Variants in SCNN1B observed in about 807,000 individuals in gnomAD.
SCNN1B encodes the protein epithelial sodium channel subunit beta.
SCNN1B carries 46 observed loss-of-function variants against 65.3 expected under a neutral mutation model. The observed-to-expected ratio is 0.70, with a 90% confidence interval of 0.56 to 0.90. The LOEUF is 0.90. Ranked by LOEUF, SCNN1B falls within the 40% of genes least tolerant of loss-of-function variation. SCNN1B has a pLI of 0.00. For missense variants in SCNN1B, 751 were observed against 830.5 expected, an observed-to-expected ratio of 0.90 and a Z score of 1.18; for synonymous variants, 349 against 330.6, an observed-to-expected ratio of 1.06 and a Z score of -0.60.
At chr16:23,355,733 A>T (rs1232659837) in intron 4 of SCNN1B, among the ~76,000 whole-genome samples, 1 of 152,160 alleles carries the variant, frequency 6.6e-6, no homozygotes, top group Non-Finnish European at 1.5e-5. Context: ...GTCTGCAGGG[A>T]AAGTGGGATA....
chr16:23,318,772 C>T (rs758420482), intron 1 of SCNN1B, among the ~76,000 whole-genome samples: 47 of 152,318 alleles, frequency 3.1e-4, no homozygotes, highest in Non-Finnish European at 3.5e-4. Flanking sequence ...AACGAAATTG[C>T]CAGCCAGAAA....
upstream of SCNN1B, among the ~76,000 whole-genome samples, chr16:23,297,526 G>A (rs370711509): frequency 2.6e-5 from 4 of 152,056 alleles, no homozygotes; most frequent in Admixed American, 2.0e-4. Context: ...CAATGATATC[G>A]GGACCTAGTT....
At chr16:23,323,496 C>T (rs375642730) in intron 1 of SCNN1B, 1 of 702,294 alleles carries the variant, frequency 1.4e-6, no homozygotes, top group Non-Finnish European at 2.6e-6. Context: ...TTCATATTTA[C>T]AATTTAATCT....
Position 23,380,546 on chromosome 16 carries a change from G to A in SCNN1B, c.1668G>A (p.Val556=). The A allele has an allele frequency of 6.2e-7, 1 of 1,614,158 alleles. No individual in the cohort carries two copies. Among genetic ancestry groups the A allele is most frequent in the Middle Eastern group, 1.6e-4 (1 of 6,062 alleles). Residue 556 remains valine, a synonymous_variant, in exon 13 of 13, where the codon GTG becomes GTA. Coordinates refer to ENST00000343070, the MANE Select transcript of SCNN1B (RefSeq NM_000336.3). This position sits in a 1 kb window ranked among gnomAD's most constrained non-coding sequence, Gnocchi z 5.4. ...DFVWITIIKL[V]ALAKSLRQRR... ...TGTGGATCACCATCATCAAGCTGGT[G>A]GCCTTGGCCAAGAGCCTACGGCAGC...
chr16:23,346,218 T>C (rs1384382156), intron 1 of SCNN1B, among the ~76,000 whole-genome samples: 1 of 96,612 alleles, frequency 1.0e-5, no homozygotes, highest in Non-Finnish European at 2.1e-5. Flanking sequence ...TTTTTTTTTT[T>C]TTTTTTTTTT....
rs777702262 is a variant in SCNN1B at position 23,371,921 on chromosome 16, TG to T, written c.1152+39del. 665 of 1,387,570 alleles carry T rather than the reference TG, an allele frequency of 4.8e-4. 4 individuals are homozygous for T. Among genetic ancestry groups the T allele is most frequent in the Non-Finnish European group, 5.4e-4 (525 of 973,762 alleles). The allele number at this position is 1,387,570 out of a possible 1,614,324, so 86.0% of individuals were successfully genotyped here. ...TGCACGCCTCATGCCCCGGGGCCCC[TG>T]TCCGGGTTTATGGGGCCAAGGCCTC... is the stretch of plus-strand genomic sequence containing the variant. On this transcript the variant is annotated intron_variant, in intron 7 of 12. Coordinates refer to ENST00000343070, the MANE Select transcript of SCNN1B (RefSeq NM_000336.3).
intron 2 of SCNN1B, among the ~76,000 whole-genome samples, chr16:23,286,399 C>T (rs1960851525): frequency 6.6e-6 from 1 of 152,208 alleles, no homozygotes; most frequent in African/African-American, 2.4e-5. Context: ...AGAGAACTTA[C>T]TGGTTCTGAG....
In SCNN1B at chr16:23,304,482, T is replaced by C. The variant is rs545687348; in HGVS notation, c.-9+2045T>C. On this transcript the variant is annotated intron_variant, in intron 1 of 12. Coordinates refer to ENST00000343070, the MANE Select transcript of SCNN1B (RefSeq NM_000336.3). ...TGAGACTCAGCCAGGCCACTAGTTC[T>C]GCCTGGCCATGCCCCAATGGGCAGA... Among the ~76,000 whole-genome samples, 10 of 152,338 alleles carry C rather than the reference T, an allele frequency of 6.6e-5. No homozygotes were observed. In the East Asian group the frequency reaches 1.9e-3, roughly 29 times the overall value.
In SCNN1B at chr16:23,321,115, G is replaced by A. The variant is rs564460595; in HGVS notation, c.-9+18678G>A. On this transcript the variant is annotated intron_variant, in intron 1 of 12. Coordinates refer to ENST00000343070, the MANE Select transcript of SCNN1B (RefSeq NM_000336.3). ...ACTGGAGTGCAGTGGTATGATAGCCGACTGCAACCTCCGTCTCCTGGGTTC... is the reference window on the plus strand; with the variant it reads ...ACTGGAGTGCAGTGGTATGATAGCCAACTGCAACCTCCGTCTCCTGGGTTC... Among the ~76,000 whole-genome samples, 57 of 152,212 alleles carry A rather than the reference G, an allele frequency of 3.7e-4. 1 individual carries two copies. The South Asian group carries it at 0.011, about 30-fold the overall frequency.
chr16:23,331,386 G>A (rs528728066), intron 1 of SCNN1B, among the ~76,000 whole-genome samples: 117 of 150,582 alleles, frequency 7.8e-4, no homozygotes, highest in African/African-American at 2.8e-3. Context: ...GTGCAGTGGT[G>A]CAATCTCTAC....
chr16:23,346,988 C>A lies in SCNN1B; in HGVS notation c.-8-1604C>A, dbSNP rs79584569. ...TTGCTCAAAGTCACAAGCTAGGAAG[C>A]AGCAGGGCTGAGAGTCAAAGCCAGA... On this transcript the variant is annotated intron_variant, in intron 1 of 12. Coordinates refer to ENST00000343070, the MANE Select transcript of SCNN1B (RefSeq NM_000336.3). 3.0e-3 allele frequency among the ~76,000 whole-genome samples: 454 copies of A among 152,210 alleles called. 2 individuals are homozygous for A. Among genetic ancestry groups the A allele is most frequent in the African/African-American group, 0.01 (436 of 41,530 alleles).
At chr16:23,370,108 T>G (rs554499049) in intron 5 of SCNN1B, among the ~76,000 whole-genome samples, 1 of 152,086 alleles carries the variant, frequency 6.6e-6, no homozygotes, top group Non-Finnish European at 1.5e-5. Flanking sequence ...TTTTTGTATT[T>G]TTTTTTCTCT....
At position 23,371,344 on chromosome 16, in the gene SCNN1B, T is replaced by TCCC. The variant is rs1962778700; in HGVS notation, c.928_929insCCC (p.Phe309_Leu310insPro). The TCCC allele has an allele frequency of 6.2e-7, 1 of 1,614,008 alleles. No individual in the cohort carries two copies. The highest frequency in any genetic ancestry group is 8.5e-7 in the Non-Finnish European group (1 of 1,180,010). On this transcript the variant is annotated inframe_insertion, in exon 6 of 13. Transcript: ENST00000343070. ...ATAGGCCAGGAAGACTACGTCCCCT[T>TCCC]CCTTGCGTCCACGGCCGGGGTCAGG...
chr16:23,295,345 G>A (rs547327535), intron 2 of SCNN1B, among the ~76,000 whole-genome samples: 11 of 148,282 alleles, frequency 7.4e-5, no homozygotes, highest in Admixed American at 6.7e-5. Flanking sequence ...CAGCTTTCCC[G>A]AGTAGCTGGA....
At chr16:23,317,038 G>C (rs1045848569) in intron 1 of SCNN1B, among the ~76,000 whole-genome samples, 1 of 152,238 alleles carries the variant, frequency 6.6e-6, no homozygotes, top group Non-Finnish European at 1.5e-5. Flanking sequence ...CAAAGGACAT[G>C]ATGACACGTC....
At chr16:23,336,467 GT>G (rs1961944721) in intron 1 of SCNN1B, among the ~76,000 whole-genome samples, 1 of 151,498 alleles carries the variant, frequency 6.6e-6, no homozygotes, top group South Asian at 2.1e-4. Flanking sequence ...CCCCTCCCGG[GT>G]TCAAGCAATT....
At chr16:23,288,054 G>A (rs1405801028) in intron 2 of SCNN1B, among the ~76,000 whole-genome samples, 1 of 151,960 alleles carries the variant, frequency 6.6e-6, no homozygotes, top group Admixed American at 6.6e-5. Context: ...TGCTTGGTGG[G>A]CTGAGGTGGA....
At chr16:23,368,523 TG>T (rs1347212942) in intron 5 of SCNN1B, among the ~76,000 whole-genome samples, 47 of 152,172 alleles carry the variant, frequency 3.1e-4, no homozygotes, top group African/African-American at 1.1e-3. Context: ...ACCATTTACT[TG>T]GGTGGTGTTC....
chr16:23,284,170 T>G (rs971477486), intron 2 of SCNN1B, among the ~76,000 whole-genome samples: 1 of 152,130 alleles, frequency 6.6e-6, no homozygotes, highest in Admixed American at 6.6e-5. Context: ...TTGGGATGGC[T>G]GAGGTGGGCG....
Sources: allele counts gnomAD v4.1 joint callset (sites outside exome capture counted in the v4.1 genomes callset), GRCh38; gene constraint gnomAD v4.1.1; non-coding constraint Gnocchi (gnomAD v3.1); transcripts MANE v1.5; gene names NCBI Gene and HGNC (gene_info 2026-07-23, HGNC 2026-07-21).